Variants in SOX5 observed in about 807,000 individuals in gnomAD.
SOX5 encodes the protein SRY-box transcription factor 5.
A neutral mutation model predicts 92.0 loss-of-function variants in SOX5; 9 were observed. The ratio of observed to expected loss-of-function variants is 0.10; its 90% CI spans 0.06 to 0.17. SOX5 has a LOEUF of 0.17. SOX5 is among the 10% of genes least tolerant of loss of function. SOX5 has a pLI of 1.00. For missense variants in SOX5, 642 were observed against 944.5 expected (o/e 0.68, Z 4.20); for synonymous variants, 344 against 336.3 (o/e 1.02, Z -0.25).
chr12:24,081,143 AGT>A (rs1233625659), intron 4 of SOX5, among the ~76,000 whole-genome samples: 1 of 151,958 alleles, frequency 6.6e-6, no homozygotes, highest in Non-Finnish European at 1.5e-5. Flanking sequence ...CTTTCCAAAC[AGT>A]GTGAACTCAT....
chr12:24,226,817 A>C (rs1337859838), intron 3 of SOX5, among the ~76,000 whole-genome samples: 3 of 151,668 alleles, frequency 2.0e-5, no homozygotes, highest in African/African-American at 7.3e-5. Context: ...CTTTCTTTAA[A>C]TTTAGAACTT....
intron 4 of SOX5, among the ~76,000 whole-genome samples, chr12:24,209,212 G>C (rs536307854): frequency 1.2e-4 from 19 of 152,154 alleles, no homozygotes; most frequent in Non-Finnish European, 2.1e-4. Context: ...ATAGGTGGAG[G>C]AACTAACTCT....
intron 1 of SOX5, among the ~76,000 whole-genome samples, chr12:24,415,069 C>T (rs934248808): frequency 1.3e-5 from 2 of 152,192 alleles, no homozygotes; most frequent in Non-Finnish European, 2.9e-5. Context: ...AAGCTCATAA[C>T]ATTTTTCACT....
At chr12:23,988,994 T>C (rs1282848049) in intron 4 of SOX5, among the ~76,000 whole-genome samples, 1 of 152,062 alleles carries the variant, frequency 6.6e-6, no homozygotes, top group East Asian at 1.9e-4. Context: ...AATAGAAGAT[T>C]GTAGTTAGAG....
At chr12:24,204,627 C>A (rs968363801) in intron 4 of SOX5, among the ~76,000 whole-genome samples, 1 of 152,172 alleles carries the variant, frequency 6.6e-6, no homozygotes, top group African/African-American at 2.4e-5. Flanking sequence ...CCACCCCCAA[C>A]CCAGGCTAGT....
intron 4 of SOX5, among the ~76,000 whole-genome samples, chr12:23,749,215 A>G (rs1321264014): frequency 1.3e-5 from 2 of 151,900 alleles, no homozygotes; most frequent in African/African-American, 4.8e-5. Context: ...TCAGACTTTG[A>G]CAAAATTTAG....
chr12:24,094,143 C>A (rs1390743860), intron 4 of SOX5, among the ~76,000 whole-genome samples: 1 of 152,042 alleles, frequency 6.6e-6, no homozygotes, highest in Non-Finnish European at 1.5e-5. Context: ...GAGGGGGTTT[C>A]ACCATGTTGA....
intron 1 of SOX5, among the ~76,000 whole-genome samples, chr12:24,511,762 T>C (rs1338059294): frequency 6.6e-6 from 1 of 152,008 alleles, no homozygotes; most frequent in Non-Finnish European, 1.5e-5. Context: ...ATCAAGACCA[T>C]CCTGGCTAAC....
At chr12:23,607,601 T>C (rs2075401128) in intron 8 of SOX5, among the ~76,000 whole-genome samples, 1 of 152,202 alleles carries the variant, frequency 6.6e-6, no homozygotes, top group South Asian at 2.1e-4. Context: ...AGTTTCCTTC[T>C]TTTATTAAAC....
At chr12:24,044,633 T>A (rs1388916650) in intron 4 of SOX5, among the ~76,000 whole-genome samples, 1 of 152,218 alleles carries the variant, frequency 6.6e-6, no homozygotes, top group African/African-American at 2.4e-5. Flanking sequence ...AGTTAAAAAA[T>A]TCCTGGCTAT....
intron 2 of SOX5, among the ~76,000 whole-genome samples, chr12:23,850,421 C>G (rs929091242): frequency 1.1e-4 from 15 of 134,522 alleles, no homozygotes; most frequent in Non-Finnish European, 2.3e-4. Context: ...GAGTGAGACT[C>G]TGTCTACAAA....
intron 2 of SOX5, among the ~76,000 whole-genome samples, chr12:24,301,149 G>A (rs1947898866): frequency 1.3e-5 from 2 of 152,164 alleles, no homozygotes. Context: ...TTCCTAGTTT[G>A]CCTCCAACTG....
chr12:23,768,065 C>T (rs1027875711), intron 3 of SOX5, among the ~76,000 whole-genome samples: 2 of 151,962 alleles, frequency 1.3e-5, no homozygotes, highest in Non-Finnish European at 2.9e-5. Context: ...AATGAGTCAC[C>T]CATTTAAAAG....
chr12:23,860,952 T>TAAAAAAAAAAAAAAAAAA (rs71059935), intron 2 of SOX5, among the ~76,000 whole-genome samples: 20 of 45,858 alleles, frequency 4.4e-4, no homozygotes, highest in East Asian at 2.8e-3. Context: ...GTATATTTTG[T>TAAAAAAAAAAAAAAAAAA]AAAAAAAAAA....
chr12:24,438,502 C>G (rs1939892948), intron 1 of SOX5, among the ~76,000 whole-genome samples: 1 of 152,038 alleles, frequency 6.6e-6, no homozygotes, highest in Admixed American at 6.6e-5. Context: ...TCCAGTGGAA[C>G]TAGGCCAACT....
chr12:24,364,239 TC>T (rs1051516114), intron 2 of SOX5, among the ~76,000 whole-genome samples: 2 of 152,054 alleles, frequency 1.3e-5, no homozygotes. Context: ...CTCATTCTGC[TC>T]CTTAAAAGCC....
chr12:24,155,757 A>G (rs2138900074), intron 4 of SOX5, among the ~76,000 whole-genome samples: 1 of 152,254 alleles, frequency 6.6e-6, no homozygotes, highest in Middle Eastern at 3.4e-3. Flanking sequence ...ACGAAATGAG[A>G]CTTTTAATTG....
chr12:23,877,797 A>C (rs1434445164), intron 2 of SOX5, among the ~76,000 whole-genome samples: 2 of 152,072 alleles, frequency 1.3e-5, no homozygotes, highest in African/African-American at 4.8e-5. Flanking sequence ...TGAAAATGCT[A>C]GTATATATTA....
chr12:23,577,037 C>A (rs1049753109), intron 9 of SOX5, among the ~76,000 whole-genome samples: 47 of 150,358 alleles, frequency 3.1e-4, no homozygotes, highest in African/African-American at 1.1e-3. Context: ...ATGTTAATTA[C>A]TGTATACAAA....
Sources: allele counts gnomAD v4.1 joint callset (sites outside exome capture counted in the v4.1 genomes callset), GRCh38; gene constraint gnomAD v4.1.1; transcripts MANE v1.5; gene names NCBI Gene and HGNC (gene_info 2026-07-23, HGNC 2026-07-21).